PLXNA2: variants seen among roughly 807,000 people sequenced by gnomAD.
PLXNA2 encodes the protein plexin A2.
Under a neutral mutation model 193.5 loss-of-function variants are expected in PLXNA2, and 91 were observed. The observed-to-expected ratio is 0.47, with a 90% CI of 0.40 to 0.56. The LOEUF (loss-of-function observed/expected upper bound fraction) is 0.56, where lower values mean the gene tolerates loss of function less well. Among genes scored for constraint, PLXNA2 ranks in the 20% least tolerant of loss-of-function variants. PLXNA2 has a pLI of 0.00. For synonymous variants in PLXNA2, 997 were observed against 1,027.3 expected, an observed-to-expected ratio of 0.97 and a Z score of 0.56; for missense variants, 1,995 against 2,503.2, an observed-to-expected ratio of 0.80 and a Z score of 4.33.
At chr1:208,204,989 C>T (rs1198515208) in intron 3 of PLXNA2, among the ~76,000 whole-genome samples, 1 of 152,182 alleles carries the variant, frequency 6.6e-6, no homozygotes, top group African/African-American at 2.4e-5. Flanking sequence ...AACACTACCC[C>T]CCAGCTTCTG....
At chr1:208,099,118 G>A (rs1257793791) in intron 5 of PLXNA2, 149 bp from the exon 6 acceptor site, 2 of 926,492 alleles carry the variant, frequency 2.2e-6, no homozygotes, top group African/African-American at 1.7e-5. Context: ...GAGGGCCTTG[G>A]TGACTCTCAG....
rs748249858 is a variant in PLXNA2 at position 208,028,832 on chromosome 1, C to A, written c.5436G>T (p.Glu1812Asp). The change falls in exon 30 of 32, where the codon GAG becomes GAT. Residue 1812 changes from glutamate (E) to aspartate (D), a missense_variant and splice_region_variant. By Grantham distance (45) the Glu-to-Asp change is conservative (BLOSUM62 2). This residue lies in a region of PLXNA2 where 1,291 missense variants were observed against 1,673.6 expected (regional missense o/e 0.77). Coordinates refer to ENST00000367033, the MANE Select transcript of PLXNA2 (RefSeq NM_025179.4). The surrounding 1 kb of genome is among the most constrained non-coding windows in gnomAD (Gnocchi z 4.2). ...KDIPSYKSWV[E>D]RYYADIAKLP... is the part of the protein sequence containing the mutation. The stretch of plus-strand genomic sequence containing the variant: ...CCTGTCCTGAGGGTGCTACTGACCT[C>A]TCCACCCAGCTCTTGTAGCTGGGGA... 3 of 1,613,536 alleles carry A rather than the reference C, an allele frequency of 1.9e-6. No individual in the cohort carries two copies. Among genetic ancestry groups the A allele is most frequent in the Admixed American group, 3.3e-5 (2 of 60,004 alleles).
intron 3 of PLXNA2, among the ~76,000 whole-genome samples, chr1:208,181,202 A>G (rs1157770682): frequency 1.3e-5 from 2 of 152,114 alleles, no homozygotes; most frequent in African/African-American, 2.4e-5. Flanking sequence ...CCCATCTACC[A>G]CTTCCCGACC....
chr1:208,208,550 G>C (rs1670813803), intron 3 of PLXNA2, among the ~76,000 whole-genome samples: 1 of 152,238 alleles, frequency 6.6e-6, no homozygotes, highest in African/African-American at 2.4e-5. Context: ...TAAAGGGGAA[G>C]AAGGGAACAG....
intron 4 of PLXNA2, among the ~76,000 whole-genome samples, chr1:208,135,837 C>T (rs1023586053): frequency 3.3e-5 from 5 of 152,160 alleles, no homozygotes; most frequent in African/African-American, 1.2e-4. Context: ...ATGGACCACA[C>T]GCATCAGAAT....
In PLXNA2 at chr1:208,244,050, G is replaced by C. The variant is rs1461872988; in HGVS notation, c.-488C>G. 1 of 152,764 alleles carries C rather than the reference G, an allele frequency of 6.5e-6. No individual in the cohort carries two copies. The highest frequency in any genetic ancestry group is 2.4e-5 in the African/African-American group (1 of 41,452). The allele number at this position is 152,764 out of a possible 1,614,324, so 9.5% of individuals were successfully genotyped here. Reference sequence around the variant, plus strand: ...GGGCTCCTCTGACATCAGCAATCCCGGCGCTTCCTTCCCTTCTTGCTCTCC... The same window carrying C: ...GGGCTCCTCTGACATCAGCAATCCCCGCGCTTCCTTCCCTTCTTGCTCTCC... On this transcript the variant is annotated 5_prime_UTR_variant, in exon 1 of 32. Coordinates refer to ENST00000367033, the MANE Select transcript of PLXNA2 (RefSeq NM_025179.4).
rs562781086 is a variant in PLXNA2 at position 208,025,752 on chromosome 1, G to A, written c.*1491C>T. 5 of 150,348 alleles carry A rather than the reference G, an allele frequency of 3.3e-5. No individual in the cohort carries two copies. The South Asian group carries it at 1.1e-3, about 32-fold the overall frequency. The allele number at this position is 150,348 out of a possible 1,614,324, so 9.3% of individuals were successfully genotyped here. A position where few individuals can be genotyped will look rare whatever the true frequency, so the allele number is the denominator to read the frequency against. The stretch of plus-strand genomic sequence containing the variant: ...CATGGAGCTTTGGTCTCTTTGTTTG[G>A]AATCTACACTCAGGAGAATTGGTTA... On this transcript the variant is annotated 3_prime_UTR_variant, in exon 32 of 32. Transcript: ENST00000367033.
rs1239397358 is a variant in PLXNA2, at chr1:208,027,107, TC to T, written c.*135del. 13 of 779,314 alleles carry T rather than the reference TC, an allele frequency of 1.7e-5. No homozygotes were observed. Among genetic ancestry groups the T allele is most frequent in the African/African-American group, 6.9e-5 (4 of 58,320 alleles). The allele number at this position is 779,314 out of a possible 1,614,324, so 48.3% of individuals were successfully genotyped here. A position where few individuals can be genotyped will look rare whatever the true frequency, so the allele number is the denominator to read the frequency against. On this transcript the variant is annotated 3_prime_UTR_variant, in exon 32 of 32. Coordinates refer to ENST00000367033, the MANE Select transcript of PLXNA2 (RefSeq NM_025179.4). ...TTGGCTGGCGTAGGGAGAGGAGTCC[TC>T]CCCTCTCCCCAGGATGGGGTCTCAG... is the stretch of plus-strand genomic sequence containing the variant.
chr1:208,222,286 A>G (rs1458569278), intron 1 of PLXNA2, among the ~76,000 whole-genome samples: 1 of 152,168 alleles, frequency 6.6e-6, no homozygotes, highest in Non-Finnish European at 1.5e-5. Context: ...CTCTCTGTTT[A>G]GTGCATGAAG....
intron 6 of PLXNA2, among the ~76,000 whole-genome samples, chr1:208,098,485 C>CAG (rs1666989699): frequency 6.6e-6 from 1 of 151,680 alleles, no homozygotes; most frequent in Middle Eastern, 3.2e-3. Context: ...CACACACACA[C>CAG]ACACACATGC....
At chr1:208,087,185 T>A (rs963649388) in intron 9 of PLXNA2, among the ~76,000 whole-genome samples, 1 of 152,092 alleles carries the variant, frequency 6.6e-6, no homozygotes, top group African/African-American at 2.4e-5. Flanking sequence ...AAGTATGATG[T>A]CTGGGGTTAG....
At chr1:208,077,043 T>C (rs2102377766) in intron 12 of PLXNA2, among the ~76,000 whole-genome samples, 1 of 150,520 alleles carries the variant, frequency 6.6e-6, no homozygotes. Context: ...TAGGAGAAAA[T>C]GAAAAGAAAA....
intron 1 of PLXNA2, among the ~76,000 whole-genome samples, chr1:208,230,959 T>A (rs193270920): frequency 6.6e-6 from 1 of 152,160 alleles, no homozygotes; most frequent in African/African-American, 2.4e-5. Flanking sequence ...TGGGCAGAGG[T>A]CTGACCACTT....
Position 208,217,337 on chromosome 1 carries a change from G to A in PLXNA2, c.586C>T (p.Pro196Ser). ...TAVDGKQDYF[P>S]TLSSRKLPRD... Reference sequence around the variant, plus strand: ...GGCAGCTTCCGGCTGGACAGGGTCGGGAAGTAATCCTGCTTCCCATCCACA... The same window carrying A: ...GGCAGCTTCCGGCTGGACAGGGTCGAGAAGTAATCCTGCTTCCCATCCACA... The change falls in exon 2 of 32, where the codon CCG (proline) becomes TCG (serine). Residue 196 changes from proline (P) to serine (S), a missense_variant. Pro to Ser is a moderately conservative substitution (Grantham distance 74). Transcript: ENST00000367033. This position sits in a 1 kb window ranked among gnomAD's most constrained non-coding sequence, Gnocchi z 4.7. The A allele has an allele frequency of 6.2e-7, 1 of 1,614,156 alleles. No individual in the cohort carries two copies. The highest frequency in any genetic ancestry group is 8.5e-7 in the Non-Finnish European group (1 of 1,180,022).
At chr1:208,221,773 G>C (rs1183044938) in intron 1 of PLXNA2, among the ~76,000 whole-genome samples, 2 of 152,336 alleles carry the variant, frequency 1.3e-5, no homozygotes, top group East Asian at 3.9e-4. Flanking sequence ...AGTAAGGGAG[G>C]ATGGAGCCCA....
At chr1:208,088,208 A>T (rs1383891223) in intron 9 of PLXNA2, among the ~76,000 whole-genome samples, 1 of 152,170 alleles carries the variant, frequency 6.6e-6, no homozygotes, top group Non-Finnish European at 1.5e-5. Flanking sequence ...TAGGCTGGGG[A>T]AGAGGAAACA....
intron 17 of PLXNA2, among the ~76,000 whole-genome samples, chr1:208,047,582 A>G (rs778243126): frequency 5.1e-4 from 78 of 152,228 alleles, no homozygotes; most frequent in Non-Finnish European, 1.0e-3. Flanking sequence ...CACCCAGCAC[A>G]GCTCAGTTTC....
At chr1:208,109,369 C>T (rs1438921739) in intron 4 of PLXNA2, among the ~76,000 whole-genome samples, 2 of 152,154 alleles carry the variant, frequency 1.3e-5, no homozygotes, top group Admixed American at 6.5e-5. Context: ...CTTCTCTTTC[C>T]CCCAATCCAA....
At position 208,051,299 on chromosome 1, in the gene PLXNA2, C is replaced by A. The variant is rs1472462648; in HGVS notation, c.3118G>T (p.Asp1040Tyr). 1 of 1,613,192 alleles carries A rather than the reference C, an allele frequency of 6.2e-7. No individual in the cohort carries two copies. The highest frequency in any genetic ancestry group is 8.5e-7 in the Non-Finnish European group (1 of 1,179,702). Residue 1040 changes from aspartate to tyrosine, a missense_variant, in exon 16 of 32, where the codon GAC (aspartate) becomes TAC (tyrosine). Around this residue, in one of 3 missense-constraint regions of PLXNA2, gnomAD observed 1,291 missense variants for 1,673.6 expected, o/e 0.77. Transcript: ENST00000367033. The stretch of plus-strand genomic sequence containing the variant: ...GGCTCGATGCGCTGGACCCGAGGGT[C>A]ATCTATGTACTCAAACTGCAGGTTG... ...DSNLQFEYIDDPRVQRIEPEW... is the reference protein window; with the variant it reads ...DSNLQFEYIDYPRVQRIEPEW...
Sources: allele counts gnomAD v4.1 joint callset (sites outside exome capture counted in the v4.1 genomes callset), GRCh38; gene constraint gnomAD v4.1.1; regional missense constraint gnomAD v4.1.1; non-coding constraint Gnocchi (gnomAD v3.1); transcripts MANE v1.5; gene names NCBI Gene and HGNC (gene_info 2026-07-23, HGNC 2026-07-21).